The following ZDHHC14 variants were observed in gnomAD, a reference collection of about 807,000 sequenced individuals.
ZDHHC14 encodes zDHHC palmitoyltransferase 14.
Under a neutral mutation model 47.7 loss-of-function variants are expected in ZDHHC14, and 16 were observed. The ratio of observed to expected loss-of-function variants is 0.34; its 90% confidence interval spans 0.23 to 0.51. The LOEUF (loss-of-function observed/expected upper bound fraction) is 0.51. Among genes scored for constraint, ZDHHC14 ranks in the 20% least tolerant of loss-of-function variants. The pLI, the probability that ZDHHC14 is intolerant of heterozygous loss-of-function variation, is 0.97. For synonymous variants in ZDHHC14, 293 were observed against 278.9 expected (o/e 1.05, Z -0.50); for missense variants, 515 against 662.5 (o/e 0.78, Z 2.44).
At chr6:157,555,581 T>C (rs999725411) in intron 2 of ZDHHC14, among the ~76,000 whole-genome samples, 1 of 152,192 alleles carries the variant, frequency 6.6e-6, no homozygotes, top group Non-Finnish European at 1.5e-5. Flanking sequence ...TTGTCTTAGG[T>C]GCTATAGAAG....
intron 4 of ZDHHC14, chr6:157,632,380 A>G (rs1013508276): frequency 1.2e-5 from 2 of 165,038 alleles, no homozygotes; most frequent in African/African-American, 4.8e-5. Flanking sequence ...GAGAAGTCTA[A>G]TAAATTTCAG....
At chr6:157,526,488 G>T (rs977074354) in intron 1 of ZDHHC14, among the ~76,000 whole-genome samples, 3 of 152,308 alleles carry the variant, frequency 2.0e-5, no homozygotes, top group African/African-American at 7.2e-5. Context: ...GGTCTACTCG[G>T]TCTTGACAAG....
intron 1 of ZDHHC14, among the ~76,000 whole-genome samples, chr6:157,471,245 C>T (rs1213063635): frequency 1.3e-5 from 2 of 152,262 alleles, no homozygotes; most frequent in African/African-American, 2.4e-5. Context: ...GCTCTCCCCG[C>T]AGAGTGCGCT....
chr6:157,537,789 A>G (rs1313241409), intron 1 of ZDHHC14, among the ~76,000 whole-genome samples: 1 of 152,178 alleles, frequency 6.6e-6, no homozygotes, highest in Non-Finnish European at 1.5e-5. Context: ...AGAAATATGG[A>G]GGAGCCATTT....
chr6:157,472,250 G>T (rs1298375542), intron 1 of ZDHHC14, among the ~76,000 whole-genome samples: 1 of 152,144 alleles, frequency 6.6e-6, no homozygotes, highest in African/African-American at 2.4e-5. Context: ...GTTTCCCCAG[G>T]GTGGGTGACC....
chr6:157,663,680 G>A (rs1321161894), intron 8 of ZDHHC14, among the ~76,000 whole-genome samples: 1 of 152,192 alleles, frequency 6.6e-6, no homozygotes, highest in Non-Finnish European at 1.5e-5. Flanking sequence ...CAGGACTGTG[G>A]AAAGCACGCA....
At chr6:157,460,614 A>G (rs1779055888) in intron 1 of ZDHHC14, among the ~76,000 whole-genome samples, 1 of 152,104 alleles carries the variant, frequency 6.6e-6, no homozygotes, top group African/African-American at 2.4e-5. Context: ...CCTCAAATCC[A>G]ATTTCCCATA....
chr6:157,589,670 G>A (rs556952863), intron 2 of ZDHHC14, among the ~76,000 whole-genome samples: 50 of 152,178 alleles, frequency 3.3e-4, no homozygotes, highest in Non-Finnish European at 5.9e-4. Context: ...AGAACTGTGA[G>A]TCAATTAAAC....
At chr6:157,541,741 A>G (rs1486381765) in intron 1 of ZDHHC14, among the ~76,000 whole-genome samples, 7 of 152,080 alleles carry the variant, frequency 4.6e-5, no homozygotes, top group Non-Finnish European at 8.8e-5. Context: ...CTCCAGCTCT[A>G]GAATACCTGG....
intron 2 of ZDHHC14, among the ~76,000 whole-genome samples, chr6:157,549,776 T>C (rs776660875): frequency 6.6e-6 from 1 of 152,234 alleles, no homozygotes; most frequent in Admixed American, 6.5e-5. Flanking sequence ...GAGATGTTTT[T>C]CCACAGGATT....
rs114915063 is a variant in ZDHHC14, at chr6:157,678,037, C to T, written c.*4915C>T. The T allele has an allele frequency of 4.0e-3, 605 of 151,956 alleles. 5 individuals carry two copies. Among genetic ancestry groups the T allele is most frequent in the African/African-American group, 0.013 (547 of 41,470 alleles). The allele number at this position is 151,956 out of a possible 1,614,324, so 9.4% of individuals were successfully genotyped here. A position where few individuals can be genotyped will look rare whatever the true frequency, so the allele number is the denominator to read the frequency against. ...ATAACATTTCATGTTTTCAGAGATACGTATGCTTATTTAAGTGCCTTTCAT... is the reference window on the plus strand; with the variant it reads ...ATAACATTTCATGTTTTCAGAGATATGTATGCTTATTTAAGTGCCTTTCAT... On this transcript the variant is annotated 3_prime_UTR_variant, in exon 9 of 9. Transcript: ENST00000359775.
intron 5 of ZDHHC14, among the ~76,000 whole-genome samples, chr6:157,638,303 C>A (rs659077): frequency 6.6e-6 from 1 of 151,992 alleles, no homozygotes; most frequent in South Asian, 2.1e-4. Flanking sequence ...TCCCTCCGTC[C>A]TCCTCCTACT....
chr6:157,543,115 C>T, intron 2 of ZDHHC14, among the ~76,000 whole-genome samples: 1 of 152,108 alleles, frequency 6.6e-6, no homozygotes, highest in East Asian at 1.9e-4. Context: ...TGGAGCATGA[C>T]CAGTTTCCAT....
chr6:157,465,405 G>T (rs1165849991), intron 1 of ZDHHC14, among the ~76,000 whole-genome samples: 1 of 152,046 alleles, frequency 6.6e-6, no homozygotes, highest in South Asian at 2.1e-4. Context: ...TTGGGGGACA[G>T]AAAGTCCCTA....
At chr6:157,517,990 C>T (rs1322226593) in intron 1 of ZDHHC14, among the ~76,000 whole-genome samples, 1 of 152,136 alleles carries the variant, frequency 6.6e-6, no homozygotes, top group Non-Finnish European at 1.5e-5. Flanking sequence ...CTAGGATGCA[C>T]GTCCCCAGCC....
chr6:157,394,847 C>T (rs572379909), intron 1 of ZDHHC14, among the ~76,000 whole-genome samples: 6 of 152,098 alleles, frequency 3.9e-5, no homozygotes, highest in South Asian at 2.1e-4. Flanking sequence ...GGGCATGCAG[C>T]GATTCATGTG....
intron 1 of ZDHHC14, among the ~76,000 whole-genome samples, chr6:157,396,597 A>G (rs1463139364): frequency 2.6e-5 from 4 of 152,242 alleles, no homozygotes; most frequent in Non-Finnish European, 5.9e-5. Context: ...ATGCAAGTTA[A>G]ATTTCAGCGT....
intron 4 of ZDHHC14, chr6:157,631,230 T>G (rs557119962): frequency 2.0e-4 from 30 of 151,472 alleles, no homozygotes; most frequent in African/African-American, 7.3e-4. Flanking sequence ...CAGGTTGCGA[T>G]GTGTGTTTCA....
In ZDHHC14 at chr6:157,473,686, T is replaced by C. The variant is rs962994267; in HGVS notation, c.246-68899T>C. Among the ~76,000 whole-genome samples the C allele has an allele frequency of 6.6e-5, 10 of 152,204 alleles. No homozygotes were observed. The East Asian group carries it at 1.9e-3, about 29-fold the overall frequency. ...ATCCAAAACATTTTGAGTGCCAACA[T>C]GACACCAAAAATGGAAAATTTCACA... On this transcript the variant is annotated intron_variant, in intron 1 of 8. Transcript: ENST00000359775.
Sources: allele counts gnomAD v4.1 joint callset (sites outside exome capture counted in the v4.1 genomes callset), GRCh38; gene constraint gnomAD v4.1.1; transcripts MANE v1.5; gene names NCBI Gene and HGNC (gene_info 2026-07-23, HGNC 2026-07-21).